Variants in SSBP3 observed in about 807,000 individuals in gnomAD.
SSBP3 encodes single stranded DNA binding protein 3, also known as single-stranded DNA-binding protein 3.
Under a neutral mutation model 69.6 loss-of-function variants are expected in SSBP3, and 5 were observed. The ratio of observed to expected loss-of-function variants is 0.07; its 90% CI spans 0.04 to 0.15. SSBP3 has a LOEUF of 0.15. SSBP3 is among the 10% of genes least tolerant of loss of function. The pLI, the probability that SSBP3 is intolerant of heterozygous loss-of-function variation, is 1.00. For synonymous variants in SSBP3, 196 were observed against 193.4 expected (o/e 1.01, Z -0.11); for missense variants, 312 against 534.0 (o/e 0.58, Z 4.10).
intron 14 of SSBP3, 139 bp from the exon 15 acceptor site, chr1:54,228,965 G>C (rs943275029): frequency 1.8e-5 from 15 of 853,562 alleles, no homozygotes; most frequent in Non-Finnish European, 2.8e-5. Flanking sequence ...ACTCGGACAT[G>C]TCCTGCCTGG....
intron 4 of SSBP3, among the ~76,000 whole-genome samples, chr1:54,315,508 T>C (rs1268337630): frequency 6.6e-6 from 1 of 152,114 alleles, no homozygotes; most frequent in Non-Finnish European, 1.5e-5. Flanking sequence ...TCTTCAATGT[T>C]TAATAACTTC....
chr1:54,306,317 G>C (rs150380416), intron 4 of SSBP3, among the ~76,000 whole-genome samples: 1 of 152,222 alleles, frequency 6.6e-6, no homozygotes, highest in African/African-American at 2.4e-5. Context: ...GGTGTCAGCC[G>C]TGTGTCAAAA....
intron 4 of SSBP3, among the ~76,000 whole-genome samples, chr1:54,294,232 A>G (rs866472123): frequency 1.3e-5 from 2 of 151,958 alleles, no homozygotes; most frequent in South Asian, 4.2e-4. Flanking sequence ...GTAGTCACCA[A>G]ATCTAAAAGG....
chr1:54,232,132 AAAC>A (rs1644389915), intron 14 of SSBP3, among the ~76,000 whole-genome samples: 1 of 152,232 alleles, frequency 6.6e-6, no homozygotes, highest in Non-Finnish European at 1.5e-5. Flanking sequence ...GCTATTATGT[AAAC>A]AACAATAGGA....
chr1:54,306,951 C>T (rs918872810), intron 4 of SSBP3, among the ~76,000 whole-genome samples: 2 of 152,202 alleles, frequency 1.3e-5, no homozygotes, highest in African/African-American at 2.4e-5. Flanking sequence ...CCTCCAACTA[C>T]TGCTTACCTT....
intron 4 of SSBP3, among the ~76,000 whole-genome samples, chr1:54,316,365 C>T (rs1191910062): frequency 3.4e-5 from 5 of 147,334 alleles, no homozygotes; most frequent in Admixed American, 2.7e-4. Flanking sequence ...ATAGGCCGGG[C>T]GCGGTGGCTC....
At chr1:54,254,307 C>T (rs1053069313) in intron 7 of SSBP3, among the ~76,000 whole-genome samples, 7 of 152,186 alleles carry the variant, frequency 4.6e-5, no homozygotes, top group Non-Finnish European at 7.3e-5. Context: ...TCACCTGCCC[C>T]GCCAGCACAG....
chr1:54,387,776 G>T (rs911184362), intron 4 of SSBP3, among the ~76,000 whole-genome samples: 1 of 152,076 alleles, frequency 6.6e-6, no homozygotes, highest in African/African-American at 2.4e-5. Flanking sequence ...AGACTCCTGC[G>T]ATCGGCTCTC....
intron 4 of SSBP3, among the ~76,000 whole-genome samples, chr1:54,363,458 C>A (rs1646980806): frequency 6.6e-6 from 1 of 152,190 alleles, no homozygotes; most frequent in African/African-American, 2.4e-5. Context: ...ACCAAATCAG[C>A]AATCTGATGC....
At position 54,344,082 on chromosome 1, in the gene SSBP3, G is replaced by C. The variant is rs567623208; in HGVS notation, c.276+57779C>G. The stretch of plus-strand genomic sequence containing the variant: ...GGGTGCGGGGCATGATGGCCAAGAG[G>C]TGCCCCTGATTAGACACCTGGGCTC... On this transcript the variant is annotated intron_variant, in intron 4 of 17. Transcript: ENST00000610401. 2.9e-3 allele frequency among the ~76,000 whole-genome samples: 436 copies of C among 152,246 alleles called. 2 individuals carry two copies. Among genetic ancestry groups the C allele is most frequent in the Non-Finnish European group, 5.4e-3 (369 of 68,016 alleles).
In SSBP3 at chr1:54,337,312, T is replaced by C. The variant is rs543785390; in HGVS notation, c.277-55785A>G. 8.9e-4 allele frequency among the ~76,000 whole-genome samples: 135 copies of C among 152,196 alleles called. 1 individual carries two copies. The highest frequency in any genetic ancestry group is 3.1e-3 in the African/African-American group (128 of 41,512). ...CATGAGCCAGGCCAGGACCTGGTGTTGCAGAAGCTGGTTTAACCCTTGCTT... is the reference window on the plus strand; with the variant it reads ...CATGAGCCAGGCCAGGACCTGGTGTCGCAGAAGCTGGTTTAACCCTTGCTT... On this transcript the variant is annotated intron_variant, in intron 4 of 17. Coordinates refer to ENST00000610401, the Ensembl canonical transcript of SSBP3.
At chr1:54,252,433 C>T (rs1253447184) in intron 7 of SSBP3, among the ~76,000 whole-genome samples, 1 of 152,228 alleles carries the variant, frequency 6.6e-6, no homozygotes, top group African/African-American at 2.4e-5. Context: ...CCTGCGGGCT[C>T]CCAGTCACAG....
At chr1:54,290,571 A>G (rs900875384) in intron 4 of SSBP3, among the ~76,000 whole-genome samples, 16 of 152,244 alleles carry the variant, frequency 1.1e-4, no homozygotes, top group Non-Finnish European at 2.2e-4. Context: ...TGAGGCCACC[A>G]TACTGCCGGG....
intron 4 of SSBP3, among the ~76,000 whole-genome samples, chr1:54,385,346 A>T (rs1647999556): frequency 6.6e-6 from 1 of 152,196 alleles, no homozygotes; most frequent in Admixed American, 6.5e-5. Flanking sequence ...CACCAAAAAC[A>T]GACTTCAGGA....
rs1253620384 is a variant in SSBP3 at position 54,305,633 on chromosome 1, AAG to A, written c.277-24108_277-24107del. Among the ~76,000 whole-genome samples, 106 of 148,826 alleles carry A rather than the reference AAG, an allele frequency of 7.1e-4. 7 individuals are homozygous for A. The highest frequency in any genetic ancestry group is 7.0e-4 in the Non-Finnish European group (47 of 67,468). On this transcript the variant is annotated intron_variant, in intron 4 of 17. Coordinates refer to ENST00000610401, the Ensembl canonical transcript of SSBP3. ...TTATTTTTCTTTAAAAAAAAAAAAA[AAG>A]AGAGAGAGAGAGAGACGAGGTCTCA...
chr1:54,350,563 T>C (rs974314214), intron 4 of SSBP3, among the ~76,000 whole-genome samples: 2 of 152,210 alleles, frequency 1.3e-5, no homozygotes, highest in African/African-American at 4.8e-5. Context: ...CTAAGACATG[T>C]GCACAACCCG....
At chr1:54,242,191 G>A in exon 11 of SSBP3, 4 of 1,613,754 alleles carry the variant, frequency 2.5e-6, no homozygotes, top group Non-Finnish European at 3.4e-6. Context: ...GATTGGGCCA[G>A]GGTCTGCCAG....
chr1:54,261,167 T>C (rs1000172623), intron 5 of SSBP3, among the ~76,000 whole-genome samples: 107 of 152,304 alleles, frequency 7.0e-4, no homozygotes, highest in African/African-American at 2.5e-3. Context: ...GAACCCCACA[T>C]AGCCTAGCAG....
chr1:54,243,066 G>A (rs2100659697), intron 10 of SSBP3, 169 bp downstream of exon 10: 1 of 698,702 alleles, frequency 1.4e-6, no homozygotes, highest in African/African-American at 1.8e-5. Flanking sequence ...CACTCTATGA[G>A]GCTGAGCTCT....
Sources: gnomAD v4.1 joint callset for allele counts (sites outside exome capture counted in the v4.1 genomes callset) on GRCh38, gnomAD v4.1.1 for gene constraint, MANE v1.5 for transcripts, NCBI Gene and HGNC (gene_info 2026-07-23, HGNC 2026-07-21) for gene names.